The following EBF1 variants were observed in gnomAD, a reference collection of about 807,000 sequenced individuals.
The protein encoded by EBF1 is EBF transcription factor 1.
EBF1 carries 10 observed loss-of-function variants against 68.4 expected under a neutral mutation model. The ratio of observed to expected loss-of-function variants is 0.15; its 90% CI spans 0.09 to 0.25. EBF1 has a LOEUF of 0.25. Ranked by LOEUF, EBF1 falls within the 10% of genes least tolerant of loss-of-function variation. EBF1 has a pLI of 1.00. For missense variants in EBF1, 509 were observed against 794.4 expected, an observed-to-expected ratio of 0.64 and a Z score of 4.32; for synonymous variants, 298 against 299.8, an observed-to-expected ratio of 0.99 and a Z score of 0.06.
intron 6 of EBF1, among the ~76,000 whole-genome samples, chr5:159,060,514 T>C (rs1171705046): frequency 6.6e-6 from 1 of 152,262 alleles, no homozygotes; most frequent in Non-Finnish European, 1.5e-5. Flanking sequence ...ACCTAGGTTC[T>C]AAAAACAAAC....
chr5:158,767,286 C>T (rs1772918156), intron 10 of EBF1, among the ~76,000 whole-genome samples: 1 of 152,082 alleles, frequency 6.6e-6, no homozygotes, highest in African/African-American at 2.4e-5. Context: ...TAAAAATCTT[C>T]CATATAAGTA....
intron 9 of EBF1, among the ~76,000 whole-genome samples, chr5:158,792,087 A>T (rs1249439422): frequency 2.0e-5 from 3 of 152,188 alleles, no homozygotes; most frequent in Admixed American, 2.0e-4. Flanking sequence ...AAGAAAAATA[A>T]TCTCACCCCA....
At chr5:158,930,744 C>A (rs1484572898) in intron 6 of EBF1, among the ~76,000 whole-genome samples, 1 of 152,138 alleles carries the variant, frequency 6.6e-6, no homozygotes, top group Non-Finnish European at 1.5e-5. Context: ...TATTAAAATG[C>A]CTCCATTTTA....
intron 9 of EBF1, among the ~76,000 whole-genome samples, chr5:158,795,083 G>A (rs921277766): frequency 6.6e-6 from 1 of 152,186 alleles, no homozygotes; most frequent in East Asian, 1.9e-4. Context: ...TGGGTTACTG[G>A]CAGTAAGCAG....
At chr5:158,877,395 G>A (rs1477351017) in intron 6 of EBF1, among the ~76,000 whole-genome samples, 1 of 152,046 alleles carries the variant, frequency 6.6e-6, no homozygotes, top group Non-Finnish European at 1.5e-5. Flanking sequence ...GCTAACACAT[G>A]GGCTATGCTA....
At chr5:158,873,409 T>G (rs1797248952) in intron 6 of EBF1, among the ~76,000 whole-genome samples, 3 of 152,204 alleles carry the variant, frequency 2.0e-5, no homozygotes, top group Admixed American at 2.0e-4. Flanking sequence ...CAGTGTTCCC[T>G]GAACTTCAAT....
At chr5:158,776,233 C>T (rs1370808126) in intron 10 of EBF1, among the ~76,000 whole-genome samples, 2 of 151,976 alleles carry the variant, frequency 1.3e-5, no homozygotes, top group Non-Finnish European at 2.9e-5. Flanking sequence ...GTCAGGCAGG[C>T]ACCAAACCTG....
At position 158,778,101 on chromosome 5, in the gene EBF1, C is replaced by T. The variant is rs151300109; in HGVS notation, c.910-562G>A. On this transcript the variant is annotated intron_variant, in intron 9 of 15. Transcript: ENST00000313708. The stretch of plus-strand genomic sequence containing the variant: ...TCCCTGGAATAGCTTATGGATCTAG[C>T]AGAACTAAGGACTCTCCATAAAAGG... Among the ~76,000 whole-genome samples the T allele has an allele frequency of 1.2e-3, 187 of 152,098 alleles. 2 individuals carry two copies. The East Asian group carries it at 0.027, about 22-fold the overall frequency.
intron 6 of EBF1, among the ~76,000 whole-genome samples, chr5:158,937,509 G>A (rs564379137): frequency 1.6e-4 from 25 of 152,314 alleles, no homozygotes; most frequent in African/African-American, 6.0e-4. Context: ...TACTCTCCCT[G>A]AGCAAGGGTG....
At position 158,840,645 on chromosome 5, in the gene EBF1, G is replaced by GTTTTTTTT. The variant is rs534374216; in HGVS notation, c.555-543_555-536dup. On this transcript the variant is annotated intron_variant, in intron 6 of 15. Coordinates refer to ENST00000313708, the MANE Select transcript of EBF1 (RefSeq NM_024007.5). ...TCCTTTGACTTCTCAAATACCTCCT[G>GTTTTTTTT]TTTTTTTTTTTTTTTTTTTTTTTTT... is the stretch of plus-strand genomic sequence containing the variant. Among the ~76,000 whole-genome samples, 60 of 64,820 alleles carry GTTTTTTTT rather than the reference G, an allele frequency of 9.3e-4. 7 individuals are homozygous for GTTTTTTTT. Among genetic ancestry groups the GTTTTTTTT allele is most frequent in the Admixed American group, 1.8e-3 (7 of 3,924 alleles). The allele number at this position is 64,820 out of a possible 152,430, so 42.5% of individuals were successfully genotyped here. A position where few individuals can be genotyped will look rare whatever the true frequency, so the allele number is the denominator to read the frequency against.
At chr5:159,009,210 C>T (rs528834380) in intron 6 of EBF1, among the ~76,000 whole-genome samples, 1 of 152,338 alleles carries the variant, frequency 6.6e-6, no homozygotes, top group East Asian at 1.9e-4. Context: ...TATTAAAACT[C>T]AGATGTCTTC....
At chr5:159,060,311 A>G (rs879937064) in intron 6 of EBF1, among the ~76,000 whole-genome samples, 1 of 152,190 alleles carries the variant, frequency 6.6e-6, no homozygotes, top group Non-Finnish European at 1.5e-5. Context: ...TATCAATGTA[A>G]AAAAAGCATG....
chr5:158,886,525 C>T (rs1172577896), intron 6 of EBF1, among the ~76,000 whole-genome samples: 1 of 152,208 alleles, frequency 6.6e-6, no homozygotes, highest in Non-Finnish European at 1.5e-5. Flanking sequence ...AATCCCAAAC[C>T]CTCTGTCTAT....
At chr5:158,769,557 C>T (rs189957033) in intron 10 of EBF1, among the ~76,000 whole-genome samples, 1 of 152,058 alleles carries the variant, frequency 6.6e-6, no homozygotes, top group Admixed American at 6.6e-5. Context: ...AGAAATGGCT[C>T]TCATTTTATA....
intron 6 of EBF1, among the ~76,000 whole-genome samples, chr5:158,941,520 T>A (rs1813390464): frequency 1.3e-5 from 2 of 152,196 alleles, no homozygotes; most frequent in African/African-American, 4.8e-5. Context: ...TCCACTGAAT[T>A]ATCCAAACTT....
chr5:158,860,694 T>C (rs1022990178), intron 6 of EBF1, among the ~76,000 whole-genome samples: 2 of 152,238 alleles, frequency 1.3e-5, no homozygotes, highest in Admixed American at 1.3e-4. Context: ...TAAGGTTTGG[T>C]AAGACAAACA....
rs139682316 is a variant in EBF1 at position 158,969,912 on chromosome 5, GAA to G, written c.554+103482_554+103483del. Among the ~76,000 whole-genome samples the G allele has an allele frequency of 1.1e-4, 10 of 92,316 alleles. 1 individual carries two copies. Among genetic ancestry groups the G allele is most frequent in the Non-Finnish European group, 1.8e-4 (8 of 44,586 alleles). 60.6% of individuals were successfully genotyped at this position (92,316 alleles called of 152,430 possible). The stretch of plus-strand genomic sequence containing the variant: ...AGAAAGAAAGAAAGAAAGAAAGAAA[GAA>G]AGAAAAAAAAAAAAAAGGCTGCTGG... On this transcript the variant is annotated intron_variant, in intron 6 of 15. Coordinates refer to ENST00000313708, the MANE Select transcript of EBF1 (RefSeq NM_024007.5).
intron 6 of EBF1, among the ~76,000 whole-genome samples, chr5:158,933,223 CAA>C (rs531610270): frequency 7.1e-6 from 1 of 141,402 alleles, no homozygotes; most frequent in African/African-American, 2.6e-5. Flanking sequence ...GACTGTTTTT[CAA>C]AAAAAAAAAA....
chr5:158,955,483 T>C (rs1348903219), intron 6 of EBF1, among the ~76,000 whole-genome samples: 1 of 152,118 alleles, frequency 6.6e-6, no homozygotes, highest in African/African-American at 2.4e-5. Context: ...AATGGCCATA[T>C]CTCACTGCTC....
Sources: gnomAD v4.1 joint callset for allele counts (sites outside exome capture counted in the v4.1 genomes callset) on GRCh38, gnomAD v4.1.1 for gene constraint, MANE v1.5 for transcripts, NCBI Gene and HGNC (gene_info 2026-07-23, HGNC 2026-07-21) for gene names.